CACNA1B: variants seen among roughly 807,000 people sequenced by gnomAD.
The protein encoded by CACNA1B is voltage-dependent N-type calcium channel subunit alpha-1B.
In CACNA1B, 70 loss-of-function variants were observed where a neutral mutation model predicts 247.2. That is an observed-to-expected ratio of 0.28 (90% CI 0.23 to 0.35). The LOEUF is 0.35. CACNA1B is among the 10% of genes least tolerant of loss of function. CACNA1B has a pLI of 1.00. For synonymous variants in CACNA1B, 1,231 were observed against 1,294.4 expected (o/e 0.95, Z 1.05); for missense variants, 2,367 against 3,197.4 (o/e 0.74, Z 6.26).
chr9:138,006,701 TG>T, intron 15 of CACNA1B, 65 bp from the exon 16 acceptor site: 1 of 835,696 alleles, frequency 1.2e-6, no homozygotes, highest in Admixed American at 1.9e-5. Context: ...CTCATGTGGG[TG>T]GGGGTGCGTG....
chr9:138,054,035 C>G lies in CACNA1B; in HGVS notation c.3968+29C>G. The G allele has an allele frequency of 6.2e-7, 1 of 1,606,268 alleles. No individual in the cohort carries two copies. Among genetic ancestry groups the G allele is most frequent in the South Asian group, 1.1e-5 (1 of 90,458 alleles). The stretch of plus-strand genomic sequence containing the variant: ...AACTGAGGCAGGGTGCAAGGTGGGA[C>G]ACACAGCCCCATGATGCAGACAACA... On this transcript the variant is annotated intron_variant, in intron 26 of 46. Coordinates refer to ENST00000371372, the MANE Select transcript of CACNA1B (RefSeq NM_000718.4). This position sits in a 1 kb window ranked among gnomAD's most constrained non-coding sequence, Gnocchi z 4.6.
intron 21 of CACNA1B, among the ~76,000 whole-genome samples, chr9:138,044,495 A>G (rs1291946970): frequency 6.6e-6 from 1 of 152,248 alleles, no homozygotes; most frequent in East Asian, 1.9e-4. Context: ...AAGACATAAG[A>G]TGCAGATAGT....
At chr9:137,982,187 C>G (rs1958302470) in intron 12 of CACNA1B, among the ~76,000 whole-genome samples, 1 of 152,190 alleles carries the variant, frequency 6.6e-6, no homozygotes, top group African/African-American at 2.4e-5. Context: ...CTTGCAGTCT[C>G]TAGTGAGGCT....
intron 12 of CACNA1B, among the ~76,000 whole-genome samples, chr9:137,979,546 A>G (rs1415546754): frequency 6.6e-6 from 1 of 152,172 alleles, no homozygotes; most frequent in East Asian, 1.9e-4. Context: ...ATATGGGGGC[A>G]GGTATTATGC....
intron 32 of CACNA1B, 129 bp downstream of exon 32, chr9:138,069,892 A>T: frequency 1.2e-6 from 1 of 802,958 alleles, no homozygotes; most frequent in Non-Finnish European, 2.2e-6. Context: ...GGCTGCATCC[A>T]CTCACCTCTG....
At chr9:137,970,526 T>C (rs1958133693) in intron 10 of CACNA1B, among the ~76,000 whole-genome samples, 2 of 152,160 alleles carry the variant, frequency 1.3e-5, no homozygotes, top group South Asian at 4.1e-4. Context: ...GAGTTGGGCA[T>C]GGAACAGGTC....
chr9:138,028,035 T>TC (rs1958943112), intron 20 of CACNA1B, among the ~76,000 whole-genome samples: 4 of 135,718 alleles, frequency 2.9e-5, no homozygotes, highest in East Asian at 4.2e-4. Flanking sequence ...TTTTTTTTTT[T>TC]TTTTTTTTTT....
At chr9:138,046,758 G>A in intron 21 of CACNA1B, 146 bp from the exon 22 acceptor site, 1 of 712,438 alleles carries the variant, frequency 1.4e-6, no homozygotes, top group East Asian at 2.8e-5. Flanking sequence ...CCAACCACAG[G>A]GACCATTAGC....
At chr9:138,076,839 A>G (rs1960338179) in intron 35 of CACNA1B, among the ~76,000 whole-genome samples, 1 of 152,162 alleles carries the variant, frequency 6.6e-6, no homozygotes, top group African/African-American at 2.4e-5. Flanking sequence ...CGCTGGGGCG[A>G]GCTCAGACCC....
intron 8 of CACNA1B, among the ~76,000 whole-genome samples, chr9:137,956,302 G>A (rs1957946745): frequency 6.6e-6 from 1 of 152,144 alleles, no homozygotes; most frequent in Non-Finnish European, 1.5e-5. Context: ...TCTTCACAGG[G>A]GACTGTCTGT....
intron 15 of CACNA1B, among the ~76,000 whole-genome samples, chr9:137,999,960 C>T (rs934102690): frequency 1.3e-5 from 2 of 152,038 alleles, no homozygotes; most frequent in Non-Finnish European, 2.9e-5. Context: ...TGTACAGCGA[C>T]TGATCAAGGG....
At position 137,961,876 on chromosome 9, in the gene CACNA1B, G is replaced by C. The variant is rs146737437; in HGVS notation, c.1333+4189G>C. On this transcript the variant is annotated intron_variant, in intron 10 of 46. Transcript: ENST00000371372. ...TTGTATCTGTCAGGTTTTGGTATGA[G>C]GATGATGCTGGTCTCATAGAATGAG... 5.8e-3 allele frequency among the ~76,000 whole-genome samples: 881 copies of C among 152,274 alleles called. 5 individuals carry two copies. Among genetic ancestry groups the C allele is most frequent in the Non-Finnish European group, 9.3e-3 (635 of 68,028 alleles).
chr9:137,984,067 G>A, intron 12 of CACNA1B, 71 bp from the exon 13 acceptor site: 2 of 1,132,820 alleles, frequency 1.8e-6, no homozygotes, highest in South Asian at 2.6e-5. Flanking sequence ...CACGCAGGGT[G>A]TGCACACACA....
intron 3 of CACNA1B, among the ~76,000 whole-genome samples, chr9:137,886,499 A>G (rs1430387824): frequency 3.3e-5 from 5 of 151,058 alleles, no homozygotes; most frequent in African/African-American, 1.2e-4. Context: ...CCACCTGTTC[A>G]TCATTCATTC....
intron 15 of CACNA1B, among the ~76,000 whole-genome samples, chr9:138,005,556 GACTATA>G (rs533543950): frequency 1.1e-3 from 164 of 152,294 alleles, no homozygotes; most frequent in Non-Finnish European, 1.7e-3. Flanking sequence ...ATGGTAGGGT[GACTATA>G]ACTAACAACA....
chr9:137,931,954 G>A (rs752687364), intron 6 of CACNA1B, among the ~76,000 whole-genome samples: 45 of 152,232 alleles, frequency 3.0e-4, no homozygotes, highest in Admixed American at 1.2e-3. Context: ...AGCTGTTGTC[G>A]TATCTTAGGG....
chr9:138,055,940 C>T (rs1229623484), intron 26 of CACNA1B, among the ~76,000 whole-genome samples: 8 of 151,942 alleles, frequency 5.3e-5, no homozygotes, highest in Non-Finnish European at 8.8e-5. Context: ...GCAGGCGAAT[C>T]GCTTGAACCT....
At position 138,120,208 on chromosome 9, in the gene CACNA1B, T is replaced by C; in HGVS notation, c.6074T>C (p.Leu2025Pro). The change falls in exon 45 of 47, where the codon CTG (leucine) becomes CCG (proline). Residue 2025 changes from leucine (L) to proline (P), a missense_variant. By Grantham distance (98) the Leu-to-Pro change is moderately conservative (BLOSUM62 -3). Transcript: ENST00000371372. ...CCCATGAAGCGCTCCATCTCCACGC[T>C]GGCCCAGCGGCCCCGTGGGACTCAT... is the stretch of plus-strand genomic sequence containing the variant. ...ASPMKRSIST[L>P]AQRPRGTHLC... 1.2e-6 allele frequency: 2 copies of C among 1,609,050 alleles called. No homozygotes were observed. The highest frequency in any genetic ancestry group is 2.2e-5 in the East Asian group (1 of 44,526).
intron 3 of CACNA1B, among the ~76,000 whole-genome samples, chr9:137,892,772 C>T (rs950870602): frequency 6.6e-6 from 1 of 152,220 alleles, no homozygotes; most frequent in Non-Finnish European, 1.5e-5. Context: ...GGGAGTACAG[C>T]GTGTGGGGAG....
Sources: allele counts gnomAD v4.1 joint callset (sites outside exome capture counted in the v4.1 genomes callset), GRCh38; gene constraint gnomAD v4.1.1; non-coding constraint Gnocchi (gnomAD v3.1); transcripts MANE v1.5; gene names NCBI Gene and HGNC (gene_info 2026-07-23, HGNC 2026-07-21).